Variants in TENM2 observed in about 807,000 individuals in gnomAD.
TENM2 encodes the protein teneurin-2.
A neutral mutation model predicts 245.2 loss-of-function variants in TENM2; 52 were observed. The ratio of observed to expected loss-of-function variants is 0.21; its 90% CI spans 0.17 to 0.27. The LOEUF (loss-of-function observed/expected upper bound fraction) is 0.27. TENM2 is among the 10% of genes least tolerant of loss of function. TENM2 has a pLI of 1.00. For synonymous variants in TENM2, 1,363 were observed against 1,438.9 expected (o/e 0.95, Z 1.19); for missense variants, 3,046 against 3,666.8 (o/e 0.83, Z 4.37).
the TENM2 span, among the ~76,000 whole-genome samples, chr5:167,024,309 C>A: frequency 6.6e-6 from 1 of 152,140 alleles, no homozygotes; most frequent in African/African-American, 2.4e-5. Flanking sequence ...CATGTGCATT[C>A]TTTTATTCAT....
chr5:167,599,511 A>C (rs1464129223), intron 2 of TENM2, among the ~76,000 whole-genome samples: 1 of 152,182 alleles, frequency 6.6e-6, no homozygotes, highest in Non-Finnish European at 1.5e-5. Context: ...GTTTGATTCC[A>C]TTGGGAAAAT....
chr5:167,277,001 AT>A, the TENM2 span, among the ~76,000 whole-genome samples: 1 of 151,514 alleles, frequency 6.6e-6, no homozygotes, highest in Non-Finnish European at 1.5e-5. Context: ...TGTGTCCTCC[AT>A]TTTTTCTTTG....
At chr5:167,796,998 G>A (rs2150925991) in intron 2 of TENM2, among the ~76,000 whole-genome samples, 1 of 151,964 alleles carries the variant, frequency 6.6e-6, no homozygotes, top group African/African-American at 2.4e-5. Flanking sequence ...CTCTACAGGA[G>A]CCAAACATGG....
chr5:167,365,976 A>G (rs530578503), intron 1 of TENM2, among the ~76,000 whole-genome samples: 2 of 151,940 alleles, frequency 1.3e-5, no homozygotes, highest in Non-Finnish European at 2.9e-5. Flanking sequence ...TTGAAGGTAT[A>G]GAAAACAACA....
the TENM2 span, among the ~76,000 whole-genome samples, chr5:167,209,484 G>A: frequency 1.3e-5 from 2 of 151,974 alleles, no homozygotes; most frequent in African/African-American, 2.4e-5. Context: ...GGCTGATCTC[G>A]AACTCCTGAC....
intron 2 of TENM2, among the ~76,000 whole-genome samples, chr5:167,592,245 G>C (rs1172273212): frequency 6.6e-6 from 1 of 152,186 alleles, no homozygotes; most frequent in African/African-American, 2.4e-5. Flanking sequence ...GCATCCCAAA[G>C]TTGTAAGTAC....
chr5:167,348,288 T>C (rs1758599232), intron 1 of TENM2, among the ~76,000 whole-genome samples: 3 of 152,228 alleles, frequency 2.0e-5, no homozygotes. Context: ...TTCGAGTGTT[T>C]AATTGAAATT....
intron 14 of TENM2, among the ~76,000 whole-genome samples, chr5:168,192,344 A>C (rs754092669): frequency 1.3e-5 from 2 of 152,156 alleles, no homozygotes; most frequent in Non-Finnish European, 2.9e-5. Flanking sequence ...TGACTCTAAG[A>C]CTAGTTTTAC....
chr5:167,542,247 A>G (rs1303972665), intron 2 of TENM2, among the ~76,000 whole-genome samples: 1 of 152,210 alleles, frequency 6.6e-6, no homozygotes, highest in East Asian at 1.9e-4. Flanking sequence ...GCCATAAGTC[A>G]GTCACTAAGA....
chr5:168,015,568 C>T (rs778484347), intron 5 of TENM2, among the ~76,000 whole-genome samples: 2 of 152,180 alleles, frequency 1.3e-5, no homozygotes, highest in African/African-American at 4.8e-5. Context: ...CCATGTGCTG[C>T]GCCTCAAGGA....
intron 1 of TENM2, among the ~76,000 whole-genome samples, chr5:167,305,342 C>G (rs1755607401): frequency 6.6e-6 from 1 of 152,200 alleles, no homozygotes; most frequent in Non-Finnish European, 1.5e-5. Flanking sequence ...TGAGTGAAAG[C>G]TGACAAGCAT....
At chr5:167,883,934 C>G (rs1357754368) in intron 3 of TENM2, among the ~76,000 whole-genome samples, 2 of 152,144 alleles carry the variant, frequency 1.3e-5, no homozygotes, top group Non-Finnish European at 2.9e-5. Context: ...TAGCCCCAGC[C>G]CTGGGTACAT....
At position 167,722,518 on chromosome 5, in the gene TENM2, T is replaced by C. The variant is rs78786587; in HGVS notation, c.503-153468T>C. Among the ~76,000 whole-genome samples, 1,248 of 152,232 alleles carry C rather than the reference T, an allele frequency of 8.2e-3. 14 individuals carry two copies. Among genetic ancestry groups the C allele is most frequent in the Middle Eastern group, 0.031 (9 of 294 alleles). ...TAGACTAGTTTTTAGAATTCACGGA[T>C]TCTTGTTGAGGGTGAAAAAGAAAAA... On this transcript the variant is annotated intron_variant, in intron 2 of 28. Coordinates refer to ENST00000518659, the Ensembl canonical transcript of TENM2.
At chr5:167,281,007 C>T (rs138559296), upstream of TENM2, among the ~76,000 whole-genome samples, 2 of 152,046 alleles carry the variant, frequency 1.3e-5, no homozygotes, top group Non-Finnish European at 2.9e-5. Flanking sequence ...ATGTCTATTC[C>T]ATCTTTCTGG....
intron 2 of TENM2, among the ~76,000 whole-genome samples, chr5:167,532,844 A>G (rs1771609920): frequency 6.6e-6 from 1 of 150,468 alleles, no homozygotes; most frequent in African/African-American, 2.4e-5. Context: ...ATATATATAT[A>G]TGCTATCCTG....
intron 2 of TENM2, among the ~76,000 whole-genome samples, chr5:167,870,569 A>ATATGTGTG (rs372917707): frequency 1.4e-5 from 2 of 142,446 alleles, no homozygotes; most frequent in Non-Finnish European, 1.5e-5. Flanking sequence ...ATATATATAT[A>ATATGTGTG]TGTGTGTGTA....
intron 2 of TENM2, among the ~76,000 whole-genome samples, chr5:167,688,970 A>G (rs373791398): frequency 1.1e-4 from 16 of 152,200 alleles, no homozygotes; most frequent in East Asian, 3.8e-4. Context: ...ATTATAAGCA[A>G]CGGGGCACAT....
the TENM2 span, among the ~76,000 whole-genome samples, chr5:167,033,638 G>A: frequency 3.3e-5 from 5 of 152,078 alleles, no homozygotes; most frequent in Non-Finnish European, 7.3e-5. Context: ...TTGTACAGTC[G>A]CTTCCCATCT....
the TENM2 span, among the ~76,000 whole-genome samples, chr5:167,026,926 A>C: frequency 6.6e-6 from 1 of 151,914 alleles, no homozygotes; most frequent in Non-Finnish European, 1.5e-5. Context: ...TTTTTTTTTC[A>C]GACTAGTCAG....
Sources: allele counts gnomAD v4.1 joint callset (sites outside exome capture counted in the v4.1 genomes callset), GRCh38; gene constraint gnomAD v4.1.1; transcripts MANE v1.5; gene names NCBI Gene and HGNC (gene_info 2026-07-23, HGNC 2026-07-21).